The following GRM8 variants were observed in gnomAD, a reference collection of about 807,000 sequenced individuals.
The protein encoded by GRM8 is metabotropic glutamate receptor 8.
In GRM8, 47 loss-of-function variants were observed where a neutral mutation model predicts 87.2. That is an observed-to-expected ratio of 0.54 (90% CI 0.43 to 0.69). The LOEUF is 0.69. Among genes scored for constraint, GRM8 ranks in the 30% least tolerant of loss-of-function variants. The pLI is 0.00. For synonymous variants in GRM8, 396 were observed against 404.5 expected (o/e 0.98, Z 0.25); for missense variants, 1,019 against 1,139.2 (o/e 0.89, Z 1.52).
At chr7:126,993,671 G>A (rs555177252) in intron 3 of GRM8, among the ~76,000 whole-genome samples, 1 of 152,250 alleles carries the variant, frequency 6.6e-6, no homozygotes, top group Non-Finnish European at 1.5e-5. Context: ...GTACACTTGG[G>A]GGAGGGAGAG....
chr7:126,984,370 A>G (rs572598274), intron 3 of GRM8, among the ~76,000 whole-genome samples: 1 of 152,336 alleles, frequency 6.6e-6, no homozygotes, highest in South Asian at 2.1e-4. Flanking sequence ...GGAGATTAAC[A>G]TTTGAATCAG....
At chr7:126,888,096 T>C (rs1402535851) in intron 6 of GRM8, among the ~76,000 whole-genome samples, 2 of 152,080 alleles carry the variant, frequency 1.3e-5, no homozygotes, top group African/African-American at 4.8e-5. Flanking sequence ...CACTGCTCCC[T>C]TTCACAGGTA....
intron 9 of GRM8, among the ~76,000 whole-genome samples, chr7:126,526,928 C>T (rs1324622519): frequency 6.6e-6 from 1 of 152,134 alleles, no homozygotes; most frequent in Admixed American, 6.5e-5. Context: ...CTTCCCCCTT[C>T]CAGAGCAGAT....
chr7:126,442,621 T>C (rs1428377465), intron 10 of GRM8, among the ~76,000 whole-genome samples: 2 of 152,038 alleles, frequency 1.3e-5, no homozygotes, highest in Non-Finnish European at 2.9e-5. Context: ...CAAGAGCTGA[T>C]AGATCTTGAA....
intron 9 of GRM8, among the ~76,000 whole-genome samples, chr7:126,508,379 G>C (rs893383514): frequency 6.6e-6 from 1 of 151,870 alleles, no homozygotes; most frequent in Non-Finnish European, 1.5e-5. Context: ...GTAGAAAGTA[G>C]AATGACAAAA....
intron 3 of GRM8, among the ~76,000 whole-genome samples, chr7:126,938,441 A>G (rs1806565165): frequency 6.6e-6 from 1 of 152,224 alleles, no homozygotes; most frequent in Non-Finnish European, 1.5e-5. Flanking sequence ...CCTAATTAAT[A>G]TAGGAGAAAA....
intron 9 of GRM8, among the ~76,000 whole-genome samples, chr7:126,454,647 G>A (rs1484105550): frequency 2.0e-5 from 3 of 151,578 alleles, no homozygotes; most frequent in Non-Finnish European, 3.0e-5. Flanking sequence ...TTTGAAGACG[G>A]GGTCTTTAAA....
At chr7:126,536,870 A>C (rs187042824) in intron 8 of GRM8, among the ~76,000 whole-genome samples, 38 of 146,130 alleles carry the variant, frequency 2.6e-4, no homozygotes, top group Non-Finnish European at 3.8e-4. Flanking sequence ...GAAAAACAGC[A>C]AAAAAAAATT....
At chr7:126,733,322 G>A (rs1218548447) in intron 7 of GRM8, among the ~76,000 whole-genome samples, 1 of 151,140 alleles carries the variant, frequency 6.6e-6, no homozygotes, top group African/African-American at 2.4e-5. Flanking sequence ...CTTTTACTTT[G>A]TGAAAGTATT....
chr7:126,700,675 T>C (rs558599336), intron 7 of GRM8, among the ~76,000 whole-genome samples: 1 of 152,278 alleles, frequency 6.6e-6, no homozygotes, highest in South Asian at 2.1e-4. Flanking sequence ...AGGTCCATTC[T>C]CACATCAACC....
At chr7:126,770,345 G>T (rs1362840238) in intron 6 of GRM8, among the ~76,000 whole-genome samples, 2 of 151,968 alleles carry the variant, frequency 1.3e-5, no homozygotes, top group Non-Finnish European at 2.9e-5. Flanking sequence ...CTATTATATT[G>T]TGCATTCTAG....
At chr7:127,173,650 T>C (rs962647674) in intron 2 of GRM8, among the ~76,000 whole-genome samples, 4 of 152,136 alleles carry the variant, frequency 2.6e-5, no homozygotes, top group Non-Finnish European at 2.9e-5. Context: ...TATAAGTGGG[T>C]TGACTACCTT....
chr7:126,868,971 T>C (rs1359274541), intron 6 of GRM8: 1 of 152,212 alleles, frequency 6.6e-6, no homozygotes, highest in Non-Finnish European at 1.5e-5. Context: ...TTTGATAGCA[T>C]TTTACCTACA....
intron 3 of GRM8, among the ~76,000 whole-genome samples, chr7:127,089,284 C>T (rs1586965910): frequency 1.3e-5 from 2 of 152,176 alleles, no homozygotes; most frequent in Non-Finnish European, 1.5e-5. Context: ...CCACCAAAAC[C>T]GAGGAGAGAA....
intron 7 of GRM8, among the ~76,000 whole-genome samples, chr7:126,621,784 T>C (rs1265937462): frequency 6.6e-6 from 1 of 152,132 alleles, no homozygotes; most frequent in African/African-American, 2.4e-5. Context: ...AGTCACTCTC[T>C]GGAAATTGTC....
chr7:126,662,520 T>C (rs1231481710), intron 7 of GRM8, among the ~76,000 whole-genome samples: 1 of 152,096 alleles, frequency 6.6e-6, no homozygotes, highest in African/African-American at 2.4e-5. Flanking sequence ...CTTCTGCAAA[T>C]AATTCAGAAA....
intron 7 of GRM8, among the ~76,000 whole-genome samples, chr7:126,710,374 C>A (rs1368007642): frequency 1.3e-5 from 2 of 152,162 alleles, no homozygotes. Context: ...GCATTTTGCC[C>A]AGAATAGAAC....
At chr7:127,058,487 G>T (rs1219894004) in intron 3 of GRM8, among the ~76,000 whole-genome samples, 12 of 152,082 alleles carry the variant, frequency 7.9e-5, no homozygotes, top group Non-Finnish European at 1.8e-4. Context: ...ATAAATGTTA[G>T]TTCCTCCTTT....
At chr7:126,633,646 AC>A (rs1801567828) in intron 7 of GRM8, among the ~76,000 whole-genome samples, 1 of 152,172 alleles carries the variant, frequency 6.6e-6, no homozygotes, top group Non-Finnish European at 1.5e-5. Flanking sequence ...ATAGTTAAAA[AC>A]ATATCTGTTT....
Sources: gnomAD v4.1 joint callset for allele counts (sites outside exome capture counted in the v4.1 genomes callset) on GRCh38, gnomAD v4.1.1 for gene constraint, MANE v1.5 for transcripts, NCBI Gene and HGNC (gene_info 2026-07-23, HGNC 2026-07-21) for gene names.